Variants in RASGRP3 observed in about 807,000 individuals in gnomAD.
The protein encoded by RASGRP3 is RAS guanyl releasing protein 3.
Under a neutral mutation model 82.7 loss-of-function variants are expected in RASGRP3, and 54 were observed. The observed-to-expected ratio is 0.65, with a 90% CI of 0.52 to 0.82. The LOEUF (loss-of-function observed/expected upper bound fraction) is 0.82, where lower values mean the gene tolerates loss of function less well. Among genes scored for constraint, RASGRP3 ranks in the 40% least tolerant of loss-of-function variants. The pLI is 0.00. For missense variants in RASGRP3, 861 were observed against 828.9 expected (o/e 1.04, Z -0.48); for synonymous variants, 309 against 300.5 (o/e 1.03, Z -0.29).
At chr2:33,526,606 T>C (rs1235290840) in intron 9 of RASGRP3, among the ~76,000 whole-genome samples, 1 of 152,210 alleles carries the variant, frequency 6.6e-6, no homozygotes, top group East Asian at 1.9e-4. Context: ...TCGGAACTTC[T>C]CTTACTTACA....
At chr2:33,519,258 A>G (rs1009039757) in intron 4 of RASGRP3, among the ~76,000 whole-genome samples, 10 of 152,146 alleles carry the variant, frequency 6.6e-5, no homozygotes, top group African/African-American at 2.4e-4. Flanking sequence ...ATTGACTGAA[A>G]CGTTGTTATG....
At chr2:33,491,145 G>A (rs1668807268) in intron 1 of RASGRP3, among the ~76,000 whole-genome samples, 2 of 139,386 alleles carry the variant, frequency 1.4e-5, no homozygotes, top group Admixed American at 7.5e-5. Flanking sequence ...GGGAAACCTC[G>A]TCTCTACTAA....
Position 33,562,878 on chromosome 2 carries a change from C to T in RASGRP3, c.*141C>T. 14 of 1,119,450 alleles carry T rather than the reference C, an allele frequency of 1.3e-5. No homozygotes were observed. The South Asian group carries it at 1.7e-4, about 14-fold the overall frequency. The allele number at this position is 1,119,450 out of a possible 1,614,324, so 69.3% of individuals were successfully genotyped here. ...ACTGCCTTGGGACACTGTGGGATCT[C>T]CATGTTTGGACTATGGGACAGAGAA... On this transcript the variant is annotated 3_prime_UTR_variant, in exon 18 of 18. Transcript: ENST00000403687.
At chr2:33,490,427 C>T (rs1429844973) in intron 1 of RASGRP3, among the ~76,000 whole-genome samples, 1 of 152,212 alleles carries the variant, frequency 6.6e-6, no homozygotes, top group Non-Finnish European at 1.5e-5. Context: ...CACCAGTGAC[C>T]TCCTTGTGTT....
At chr2:33,474,821 G>C (rs1193654511), upstream of RASGRP3, among the ~76,000 whole-genome samples, 1 of 152,176 alleles carries the variant, frequency 6.6e-6, no homozygotes, top group Non-Finnish European at 1.5e-5. Flanking sequence ...AAATTACCCA[G>C]TCTCAAGTAT....
chr2:33,492,089 A>T (rs1399687764), intron 1 of RASGRP3, among the ~76,000 whole-genome samples: 3 of 152,238 alleles, frequency 2.0e-5, no homozygotes, highest in Admixed American at 2.0e-4. Context: ...AAATTTCAGT[A>T]TCTTAAATTT....
chr2:33,502,225 C>A (rs1474232470), intron 1 of RASGRP3, among the ~76,000 whole-genome samples: 1 of 151,916 alleles, frequency 6.6e-6, no homozygotes, highest in East Asian at 1.9e-4. Flanking sequence ...TGGTAAGACG[C>A]ATGAACTCTA....
chr2:33,541,132 T>C (rs1674249554), intron 12 of RASGRP3, among the ~76,000 whole-genome samples: 1 of 147,268 alleles, frequency 6.8e-6, no homozygotes, highest in African/African-American at 2.4e-5. Context: ...ACAAATCTTT[T>C]TGAAAACCTA....
At chr2:33,522,875 T>A (rs1237565800) in intron 7 of RASGRP3, among the ~76,000 whole-genome samples, 1 of 152,204 alleles carries the variant, frequency 6.6e-6, no homozygotes, top group Admixed American at 6.5e-5. Context: ...CACTAAGTAA[T>A]CCTACTTGGA....
intron 2 of RASGRP3, among the ~76,000 whole-genome samples, chr2:33,465,580 GA>G (rs1666649515): frequency 6.6e-6 from 1 of 152,202 alleles, no homozygotes; most frequent in African/African-American, 2.4e-5. Context: ...CTTAAGTGCT[GA>G]TGGAGAAACT....
intron 1 of RASGRP3, among the ~76,000 whole-genome samples, chr2:33,484,934 C>A (rs1431784238): frequency 2.6e-5 from 4 of 152,192 alleles, no homozygotes; most frequent in Non-Finnish European, 5.9e-5. Context: ...TGCAGTGGCT[C>A]ACACCTGTAA....
intron 1 of RASGRP3, among the ~76,000 whole-genome samples, chr2:33,496,150 T>C (rs951609769): frequency 1.3e-5 from 2 of 152,208 alleles, no homozygotes; most frequent in African/African-American, 4.8e-5. Flanking sequence ...AGGTAGAACT[T>C]ATTAGCTTGC....
intron 2 of RASGRP3, among the ~76,000 whole-genome samples, chr2:33,457,840 TA>T (rs907609201): frequency 2.6e-5 from 4 of 152,144 alleles, no homozygotes; most frequent in African/African-American, 9.7e-5. Context: ...AGAAAATGGT[TA>T]AAAAAAGTTT....
chr2:33,490,718 G>A lies in RASGRP3; in HGVS notation c.-261+14011G>A, dbSNP rs76683454. Among the ~76,000 whole-genome samples the A allele has an allele frequency of 4.3e-3, 652 of 152,278 alleles. 1 individual carries two copies. Among genetic ancestry groups the A allele is most frequent in the African/African-American group, 0.015 (624 of 41,572 alleles). Reference sequence around the variant, plus strand: ...CCAGAGCGATCTGAGCCATTGCCATGGCGCTAAATGCTGCTTACCTGGTGA... The same window carrying A: ...CCAGAGCGATCTGAGCCATTGCCATAGCGCTAAATGCTGCTTACCTGGTGA... On this transcript the variant is annotated intron_variant, in intron 1 of 17. Transcript: ENST00000403687.
chr2:33,558,210 G>T lies in RASGRP3; in HGVS notation c.1580-1G>T. 6.2e-7 allele frequency: 1 copy of T among 1,610,104 alleles called. No individual in the cohort carries two copies. Among genetic ancestry groups the T allele is most frequent in the Non-Finnish European group, 8.5e-7 (1 of 1,178,204 alleles). On this transcript the variant is annotated splice_acceptor_variant, in intron 15 of 17. Transcript: ENST00000403687. LOFTEE classifies it high-confidence loss of function. ...TCTGCGACACCCTTGGAATTTTTCA[G>T]ACTGTGGAGCCAATTGTCACAAACA...
intron 10 of RASGRP3, chr2:33,532,878 T>C (rs1415564246): frequency 1.3e-5 from 2 of 152,222 alleles, no homozygotes; most frequent in African/African-American, 4.8e-5. Context: ...AAATATTTGT[T>C]GAATGAATGA....
chr2:33,557,968 C>T (rs1676189508), intron 15 of RASGRP3, among the ~76,000 whole-genome samples: 1 of 152,110 alleles, frequency 6.6e-6, no homozygotes, highest in Admixed American at 6.6e-5. Flanking sequence ...TCATTAGGTC[C>T]TCAATTGCAT....
At chr2:33,537,324 C>CCA (rs1558501632) in intron 11 of RASGRP3, among the ~76,000 whole-genome samples, 1 of 28,468 alleles carries the variant, frequency 3.5e-5, no homozygotes, top group Non-Finnish European at 6.8e-5. Context: ...ACACACACCG[C>CCA]CCCCCCCACA....
chr2:33,519,813 G>A, intron 4 of RASGRP3, 139 bp from the exon 5 acceptor site: 1 of 591,848 alleles, frequency 1.7e-6, no homozygotes, highest in South Asian at 2.2e-5. Context: ...GTCATCAGAG[G>A]CCACTTCTCT....
Sources: allele counts gnomAD v4.1 joint callset (sites outside exome capture counted in the v4.1 genomes callset), GRCh38; gene constraint gnomAD v4.1.1; transcripts MANE v1.5; gene names NCBI Gene and HGNC (gene_info 2026-07-23, HGNC 2026-07-21).